FNTB: variants seen among roughly 807,000 people sequenced by gnomAD.
The protein encoded by FNTB is farnesyltransferase, CAAX box, subunit beta.
A neutral mutation model predicts 59.4 loss-of-function variants in FNTB; 27 were observed. The observed-to-expected ratio is 0.45, with a 90% CI of 0.34 to 0.63. FNTB has a LOEUF of 0.63. Ranked by LOEUF, FNTB falls within the 20% of genes least tolerant of loss-of-function variation. The pLI is 0.02. For synonymous variants in FNTB, 230 were observed against 220.7 expected (o/e 1.04, Z -0.37); for missense variants, 449 against 559.6 (o/e 0.80, Z 1.99).
At position 65,061,454 on chromosome 14, in the gene FNTB, C is replaced by T; in HGVS notation, c.*142C>T. ...GTTCTCTTGGTACTTTCTTGTCAAA[C>T]AAAACCAATGGCTCTGGGTTTGGAG... On this transcript the variant is annotated 3_prime_UTR_variant, in exon 12 of 12. Coordinates refer to ENST00000246166, the MANE Select transcript of FNTB (RefSeq NM_002028.4). 2 of 1,356,008 alleles carry T rather than the reference C, an allele frequency of 1.5e-6. No homozygotes were observed. Among genetic ancestry groups the T allele is most frequent in the African/African-American group, 2.9e-5 (2 of 68,408 alleles). 84.0% of individuals were successfully genotyped at this position (1,356,008 alleles called of 1,614,324 possible).
At chr14:65,035,901 G>A (rs1280957533) in intron 7 of FNTB, among the ~76,000 whole-genome samples, 4 of 147,794 alleles carry the variant, frequency 2.7e-5, no homozygotes, top group East Asian at 2.0e-4. Context: ...ATATGATCAC[G>A]GCTCACTGCA....
In FNTB at chr14:65,007,727, C is replaced by T. The variant is rs1310986158; in HGVS notation, c.209+3414C>T. On this transcript the variant is annotated intron_variant, in intron 2 of 11. Transcript: ENST00000246166. This position sits in a 1 kb window ranked among gnomAD's most constrained non-coding sequence, Gnocchi z 4.9. ...TTTTTCTTCCCTGTGGGTATTGTCA[C>T]GGTTTCACACCCTTTTGAATGTACC... Among the ~76,000 whole-genome samples the T allele has an allele frequency of 1.3e-5, 2 of 152,164 alleles. No individual in the cohort carries two copies. The highest frequency in any genetic ancestry group is 1.9e-4 in the East Asian group (1 of 5,200).
chr14:65,011,599 T>A lies in FNTB; in HGVS notation c.210-718T>A, dbSNP rs926015638. ...GGGAACATCTTGACAATCTGTGCTT[T>A]TTGTTTCCTTCCCTAGTCACACAGG... is the stretch of plus-strand genomic sequence containing the variant. On this transcript the variant is annotated intron_variant, in intron 2 of 11. Coordinates refer to ENST00000246166, the MANE Select transcript of FNTB (RefSeq NM_002028.4). This position sits in a 1 kb window ranked among gnomAD's most constrained non-coding sequence, Gnocchi z 4.0. Among the ~76,000 whole-genome samples the A allele has an allele frequency of 2.0e-5, 3 of 152,186 alleles. No individual in the cohort carries two copies. The highest frequency in any genetic ancestry group is 7.2e-5 in the African/African-American group (3 of 41,440).
At position 64,990,153 on chromosome 14, in the gene FNTB, G is replaced by C. The variant is rs567154352; in HGVS notation, c.144+3056G>C. On this transcript the variant is annotated intron_variant, in intron 1 of 11. Coordinates refer to ENST00000246166, the MANE Select transcript of FNTB (RefSeq NM_002028.4). This position sits in a 1 kb window ranked among gnomAD's most constrained non-coding sequence, Gnocchi z 5.2. ...AAACCAGAGAGTAGGAGATGGGTCG[G>C]ATCATGTAGGGTCTCATTGGCCTTT... Among the ~76,000 whole-genome samples, 2 of 152,292 alleles carry C rather than the reference G, an allele frequency of 1.3e-5. No individual in the cohort carries two copies. Among genetic ancestry groups the C allele is most frequent in the African/African-American group, 4.8e-5 (2 of 41,558 alleles).
rs2062047329 is a variant in FNTB at position 65,029,902 on chromosome 14, A to G, written c.605+2121A>G. On this transcript the variant is annotated intron_variant, in intron 6 of 11. Transcript: ENST00000246166. This position sits in a 1 kb window ranked among gnomAD's most constrained non-coding sequence, Gnocchi z 4.7. ...TCTGGTTTCAGGGCTGGAGGGAGAG[A>G]GAGCAGGAAGACTGATCCAGGTTGA... Among the ~76,000 whole-genome samples the G allele has an allele frequency of 6.6e-6, 1 of 152,196 alleles. No homozygotes were observed. Among genetic ancestry groups the G allele is most frequent in the Non-Finnish European group, 1.5e-5 (1 of 68,042 alleles).
chr14:64,995,198 G>T (rs1297319752), intron 1 of FNTB, among the ~76,000 whole-genome samples: 3 of 152,174 alleles, frequency 2.0e-5, no homozygotes, highest in South Asian at 2.1e-4. Flanking sequence ...GGCCTTCGGG[G>T]ACAGTGATAG....
Position 65,027,761 on chromosome 14 carries a change from C to G in FNTB, c.585C>G (p.Val195=). 6.2e-7 allele frequency: 1 copy of G among 1,614,068 alleles called. No homozygotes were observed. The highest frequency in any genetic ancestry group is 8.5e-7 in the Non-Finnish European group (1 of 1,180,022). ...KQPDGSFLMH[V]GGEVDVRSAY... ...CTGACGGCTCCTTTCTCATGCATGT[C>G]GGAGGTGAGGTGGATGTGAGGTGAG... The change falls in exon 6 of 12, where the codon GTC becomes GTG. Residue 195 remains valine (V), a synonymous_variant. Transcript: ENST00000246166. The surrounding 1 kb of genome is among the most constrained non-coding windows in gnomAD (Gnocchi z 5.7).
intron 1 of FNTB, among the ~76,000 whole-genome samples, chr14:65,000,279 A>G (rs1013412671): frequency 6.6e-6 from 1 of 152,234 alleles, no homozygotes; most frequent in African/African-American, 2.4e-5. Flanking sequence ...TGGGTTCTGC[A>G]TCTGTGGATT....
At chr14:65,033,134 GT>G (rs1171022848) in intron 7 of FNTB, among the ~76,000 whole-genome samples, 1 of 152,150 alleles carries the variant, frequency 6.6e-6, no homozygotes, top group African/African-American at 2.4e-5. Context: ...GGTAAGTGTG[GT>G]ATAGTTGCAT....
chr14:65,012,777 AAG>A lies in FNTB; in HGVS notation c.282+389_282+390del, dbSNP rs2061704308. Among the ~76,000 whole-genome samples the A allele has an allele frequency of 6.6e-6, 1 of 152,214 alleles. No homozygotes were observed. Among genetic ancestry groups the A allele is most frequent in the South Asian group, 2.1e-4 (1 of 4,836 alleles). ...TTGAGGACTATTGTCCAAACCTGTT[AAG>A]TCTGTATCGTGATGGTTACAAATTT... On this transcript the variant is annotated intron_variant, in intron 3 of 11. Coordinates refer to ENST00000246166, the MANE Select transcript of FNTB (RefSeq NM_002028.4). The surrounding 1 kb of genome is among the most constrained non-coding windows in gnomAD (Gnocchi z 5.0).
intron 2 of FNTB, among the ~76,000 whole-genome samples, chr14:65,008,302 AG>A (rs1317672333): frequency 6.6e-6 from 1 of 152,136 alleles, no homozygotes; most frequent in Admixed American, 6.5e-5. Context: ...GGGGGGAGGA[AG>A]TGGCTTTGCT....
intron 4 of FNTB, among the ~76,000 whole-genome samples, chr14:65,024,789 A>C (rs930537179): frequency 2.6e-5 from 4 of 152,024 alleles, no homozygotes; most frequent in Non-Finnish European, 5.9e-5. Flanking sequence ...GGGAAAAAAA[A>C]ATATTTTTTT....
intron 11 of FNTB, among the ~76,000 whole-genome samples, chr14:65,056,674 G>A (rs28648456): frequency 0.13 from 20,325 of 151,954 alleles, 1,710 homozygotes; most frequent in East Asian, 0.25. Flanking sequence ...CTTACTGATG[G>A]GTAACTTCAG....
chr14:65,040,916 A>G lies in FNTB; in HGVS notation c.819A>G (p.Leu273=). The G allele has an allele frequency of 1.2e-6, 2 of 1,613,612 alleles. No homozygotes were observed. The highest frequency in any genetic ancestry group is 2.2e-5 in the East Asian group (1 of 44,862). ...KRERSLNLKS[L]LQWVTSRQMR... is the part of the protein sequence containing the mutation. ...AACGTTCCTTGAACTTGAAGAGCTT[A>G]TTAGTAAGTATCTTTTGAGCCATCC... Residue 273 remains leucine, a synonymous_variant, in exon 8 of 12, where the codon TTA becomes TTG. Coordinates refer to ENST00000246166, the MANE Select transcript of FNTB (RefSeq NM_002028.4).
intron 9 of FNTB, among the ~76,000 whole-genome samples, chr14:65,046,978 ATATT>A (rs1296964352): frequency 6.6e-6 from 1 of 152,238 alleles, no homozygotes; most frequent in Non-Finnish European, 1.5e-5. Flanking sequence ...GGTGCGAAAA[ATATT>A]TATAACAAGT....
intron 1 of FNTB, among the ~76,000 whole-genome samples, chr14:64,992,108 G>A (rs1888222935): frequency 6.6e-6 from 1 of 152,196 alleles, no homozygotes; most frequent in Non-Finnish European, 1.5e-5. Context: ...TTATGCCTCT[G>A]ATAGAAGGGA....
intron 8 of FNTB, among the ~76,000 whole-genome samples, chr14:65,041,746 A>G (rs2062359198): frequency 6.6e-6 from 1 of 152,106 alleles, no homozygotes; most frequent in Non-Finnish European, 1.5e-5. Context: ...AGTCTTTTTA[A>G]AGATTCATGA....
intron 1 of FNTB, among the ~76,000 whole-genome samples, chr14:65,000,587 G>T (rs1888554898): frequency 6.6e-6 from 1 of 152,024 alleles, no homozygotes; most frequent in Admixed American, 6.5e-5. Flanking sequence ...TTGGGAGGCT[G>T]AGACCGGCAG....
rs1284811688 is a variant in FNTB, at chr14:65,009,507, C to T, written c.210-2810C>T. ...CTTTCCTGTTTCCTTCTTCCCACATCAGAGACCTATATTTCGCTAGCTTCG... is the reference window on the plus strand; with the variant it reads ...CTTTCCTGTTTCCTTCTTCCCACATTAGAGACCTATATTTCGCTAGCTTCG... On this transcript the variant is annotated intron_variant, in intron 2 of 11. Coordinates refer to ENST00000246166, the MANE Select transcript of FNTB (RefSeq NM_002028.4). The surrounding 1 kb of genome is among the most constrained non-coding windows in gnomAD (Gnocchi z 4.2). Among the ~76,000 whole-genome samples, 1 of 152,128 alleles carries T rather than the reference C, an allele frequency of 6.6e-6. No homozygotes were observed. The highest frequency in any genetic ancestry group is 2.4e-5 in the African/African-American group (1 of 41,412).
Sources: allele counts gnomAD v4.1 joint callset (sites outside exome capture counted in the v4.1 genomes callset), GRCh38; gene constraint gnomAD v4.1.1; non-coding constraint Gnocchi (gnomAD v3.1); transcripts MANE v1.5; gene names NCBI Gene and HGNC (gene_info 2026-07-23, HGNC 2026-07-21).